The following ITIH5 variants were observed in gnomAD, a reference collection of about 807,000 sequenced individuals.
ITIH5 encodes the protein inter-alpha-trypsin inhibitor heavy chain 5, also known as inter-alpha-trypsin inhibitor heavy chain H5.
ITIH5 carries 65 observed loss-of-function variants against 77.5 expected under a neutral mutation model. The observed-to-expected ratio is 0.84, with a 90% CI of 0.69 to 1.03. ITIH5 has a LOEUF of 1.03. Among genes scored for constraint, ITIH5 ranks in the 50% least tolerant of loss-of-function variants. The pLI is 0.00. For missense variants in ITIH5, 1,208 were observed against 1,213.1 expected, an observed-to-expected ratio of 1.00 and a Z score of 0.06; for synonymous variants, 525 against 494.3, an observed-to-expected ratio of 1.06 and a Z score of -0.82.
At position 7,576,648 on chromosome 10, in the gene ITIH5, C is replaced by G; in HGVS notation, c.1783G>C (p.Glu595Gln). The G allele has an allele frequency of 1.2e-6, 2 of 1,614,196 alleles. No individual in the cohort carries two copies. The highest frequency in any genetic ancestry group is 8.5e-7 in the Non-Finnish European group (1 of 1,180,032). The change falls in exon 10 of 14, where the codon GAA becomes CAA. Residue 595 changes from glutamate to glutamine, a missense_variant. By Grantham distance (29) the Glu-to-Gln change is conservative. Coordinates refer to ENST00000397146, the MANE Select transcript of ITIH5 (RefSeq NM_030569.7). ...TGCCGCAGCCGCTCCTTCTCCGGTT[C>G]ATCGTCACTTTGCAGCCAGGAGCTC... ...LLSSWLQSDD[E>Q]PEKERLRQRA...
In ITIH5 at chr10:7,651,020, A is replaced by G. The variant is rs1173202068; in HGVS notation, c.135+4611T>C. On this transcript the variant is annotated intron_variant, in intron 2 of 13. Coordinates refer to ENST00000397146, the MANE Select transcript of ITIH5 (RefSeq NM_030569.7). ...ACACTTCCTGAACAGGATGCACACA[A>G]TGGTCAGAGTTGGGCACAGGCACAG... is the stretch of plus-strand genomic sequence containing the variant. Among the ~76,000 whole-genome samples, 24 of 148,504 alleles carry G rather than the reference A, an allele frequency of 1.6e-4. No homozygotes were observed. In the Admixed American group the frequency reaches 1.6e-3, roughly 10 times the overall value.
intron 10 of ITIH5, among the ~76,000 whole-genome samples, chr10:7,575,433 G>T (rs1832390446): frequency 6.6e-6 from 1 of 152,110 alleles, no homozygotes; most frequent in Admixed American, 6.5e-5. Flanking sequence ...TGCAGAGTAG[G>T]GTCCGACCAA....
intron 7 of ITIH5, among the ~76,000 whole-genome samples, chr10:7,587,661 AG>A (rs1443278662): frequency 6.6e-6 from 1 of 152,202 alleles, no homozygotes; most frequent in Non-Finnish European, 1.5e-5. Flanking sequence ...CGAGATGAAA[AG>A]GGCTCTGAGC....
chr10:7,566,384 T>C lies in ITIH5; in HGVS notation c.2173A>G (p.Ile725Val). The C allele has an allele frequency of 6.2e-7, 1 of 1,601,654 alleles. No individual in the cohort carries two copies. Among genetic ancestry groups the C allele is most frequent in the Non-Finnish European group, 8.5e-7 (1 of 1,169,860 alleles). ...DSGVTVNGEL[I>V]GAPAPPNGHK... ...CCATTTGGAGGGGCGGGTGCCCCAA[T>C]TAACTCTCCGTTCACTGTGACACCT... is the stretch of plus-strand genomic sequence containing the variant. The change falls in exon 13 of 14, where the codon ATT (isoleucine) becomes GTT (valine). Residue 725 changes from isoleucine to valine, a missense_variant. By Grantham distance (29) the Ile-to-Val change is conservative (BLOSUM62 3). Transcript: ENST00000397146.
At chr10:7,577,257 T>C (rs1386109508) in intron 9 of ITIH5, among the ~76,000 whole-genome samples, 3 of 152,044 alleles carry the variant, frequency 2.0e-5, no homozygotes, top group Non-Finnish European at 4.4e-5. Flanking sequence ...ACTCTCATGA[T>C]GAGAAAAAAC....
At chr10:7,577,832 A>G (rs936787691) in intron 9 of ITIH5, among the ~76,000 whole-genome samples, 1 of 152,136 alleles carries the variant, frequency 6.6e-6, no homozygotes, top group Non-Finnish European at 1.5e-5. Flanking sequence ...CAGGATGTAA[A>G]CAGTACTTCT....
At chr10:7,587,060 G>A (rs763249573) in intron 7 of ITIH5, among the ~76,000 whole-genome samples, 2 of 152,118 alleles carry the variant, frequency 1.3e-5, no homozygotes, top group Non-Finnish European at 2.9e-5. Context: ...GAACTCCTGA[G>A]CTCAGGCAAT....
intron 2 of ITIH5, among the ~76,000 whole-genome samples, chr10:7,648,230 C>T (rs1393380135): frequency 2.6e-4 from 36 of 139,786 alleles, no homozygotes; most frequent in Admixed American, 2.0e-3. Flanking sequence ...GGCGACTGAG[C>T]GAGACTCTGT....
At position 7,559,800 on chromosome 10, in the gene ITIH5, T is replaced by C. The variant is rs372673504; in HGVS notation, c.*3283A>G. 6.6e-5 allele frequency: 30 copies of C among 455,604 alleles called. 1 individual carries two copies. Among genetic ancestry groups the C allele is most frequent in the East Asian group, 2.1e-4 (3 of 14,380 alleles). The allele number at this position is 455,604 out of a possible 1,614,324, so 28.2% of individuals were successfully genotyped here. ...CTTGCAGGTGGCCATCTTCTCATCGTATCCCCAGGTGGTGGAGAGGAAAAA... is the reference window on the plus strand; with the variant it reads ...CTTGCAGGTGGCCATCTTCTCATCGCATCCCCAGGTGGTGGAGAGGAAAAA... On this transcript the variant is annotated 3_prime_UTR_variant, in exon 14 of 14. Coordinates refer to ENST00000397146, the MANE Select transcript of ITIH5 (RefSeq NM_030569.7).
At position 7,632,299 on chromosome 10, in the gene ITIH5, G is replaced by C. The variant is rs147984512; in HGVS notation, c.652+4929C>G. Among the ~76,000 whole-genome samples, 512 of 152,296 alleles carry C rather than the reference G, an allele frequency of 3.4e-3. 1 individual carries two copies. The highest frequency in any genetic ancestry group is 0.012 in the African/African-American group (487 of 41,560). On this transcript the variant is annotated intron_variant, in intron 5 of 13. Transcript: ENST00000397146. ...TCAGCGGTTGCCTGGGGCTGGGGTA[G>C]CAACAGGATGTGACTGCAAATGGGT...
chr10:7,627,332 A>T (rs1439348225), intron 5 of ITIH5, among the ~76,000 whole-genome samples: 2 of 9,594 alleles, frequency 2.1e-4, no homozygotes, highest in South Asian at 4.1e-3. Flanking sequence ...AGATAAAGTA[A>T]AAAAAAAAAA....
chr10:7,564,982 C>G (rs952428582), intron 13 of ITIH5, among the ~76,000 whole-genome samples: 2 of 135,988 alleles, frequency 1.5e-5, no homozygotes, highest in African/African-American at 6.6e-5. Flanking sequence ...TATACACACA[C>G]GTTCATACAT....
At chr10:7,625,682 T>C (rs1275614828) in intron 5 of ITIH5, among the ~76,000 whole-genome samples, 2 of 151,780 alleles carry the variant, frequency 1.3e-5, no homozygotes, top group Non-Finnish European at 2.9e-5. Context: ...GGAGAATTGC[T>C]TGAACCCAGG....
chr10:7,587,364 T>C (rs564776632), intron 7 of ITIH5, among the ~76,000 whole-genome samples: 65 of 152,210 alleles, frequency 4.3e-4, no homozygotes, highest in Non-Finnish European at 8.4e-4. Context: ...AGCACTGTTG[T>C]TAGACACTTA....
intron 1 of ITIH5, among the ~76,000 whole-genome samples, chr10:7,655,895 T>C (rs1834174361): frequency 2.6e-5 from 4 of 152,246 alleles, no homozygotes; most frequent in Admixed American, 6.5e-5. Flanking sequence ...TGGTTGACTC[T>C]TAACCCATAA....
In ITIH5 at chr10:7,562,625, A is replaced by G. The variant is rs1832059357; in HGVS notation, c.*458T>C. 1 of 179,350 alleles carries G rather than the reference A, an allele frequency of 5.6e-6. No homozygotes were observed. The highest frequency in any genetic ancestry group is 5.4e-5 in the Admixed American group (1 of 18,560). 11.1% of individuals were successfully genotyped at this position (179,350 alleles called of 1,614,324 possible). The stretch of plus-strand genomic sequence containing the variant: ...TGGCCACACATCTGGGGGCTGCAAC[A>G]CCACTGAAAAGACAGCTTTCTAAGC... On this transcript the variant is annotated 3_prime_UTR_variant, in exon 14 of 14. Coordinates refer to ENST00000397146, the MANE Select transcript of ITIH5 (RefSeq NM_030569.7).
intron 2 of ITIH5, among the ~76,000 whole-genome samples, chr10:7,655,104 G>C (rs1218659823): frequency 6.6e-6 from 1 of 152,130 alleles, no homozygotes; most frequent in Non-Finnish European, 1.5e-5. Flanking sequence ...GAGTCTAAAG[G>C]CATGTCTCTA....
chr10:7,644,926 C>CAT (rs376650633), intron 2 of ITIH5, among the ~76,000 whole-genome samples: 8,653 of 38,948 alleles, frequency 0.22, 740 homozygotes, highest in African/African-American at 0.42. Flanking sequence ...ATATATATCA[C>CAT]ATATATATAT....
chr10:7,587,146 A>G (rs1207932028), intron 7 of ITIH5, among the ~76,000 whole-genome samples: 1 of 152,188 alleles, frequency 6.6e-6, no homozygotes, highest in Non-Finnish European at 1.5e-5. Flanking sequence ...GGCATTCTGA[A>G]GAGAAGGAAG....
Sources: allele counts gnomAD v4.1 joint callset (sites outside exome capture counted in the v4.1 genomes callset), GRCh38; gene constraint gnomAD v4.1.1; transcripts MANE v1.5; gene names NCBI Gene and HGNC (gene_info 2026-07-23, HGNC 2026-07-21).